Variants in ZNF331 observed in about 807,000 individuals in gnomAD.
ZNF331 encodes the protein C2H2-like zinc finger protein rearranged in thyroid adenomas.
ZNF331 carries 2 observed loss-of-function variants against 7.0 expected under a neutral mutation model. The observed-to-expected ratio is 0.29, with a 90% CI of 0.12 to 0.90. The LOEUF (loss-of-function observed/expected upper bound fraction) is 0.90. ZNF331 is among the 40% of genes least tolerant of loss of function. The probability of loss-of-function intolerance (pLI) is 0.58; values close to 1 mark genes in which losing one functional copy is unlikely to be tolerated. For missense variants in ZNF331, 432 were observed against 587.7 expected (o/e 0.74, Z 2.74); for synonymous variants, 196 against 205.4 (o/e 0.95, Z 0.39).
chr19:53,561,830 G>A (rs1457990610), intron 3 of ZNF331, among the ~76,000 whole-genome samples: 2 of 152,054 alleles, frequency 1.3e-5, no homozygotes, highest in Non-Finnish European at 2.9e-5. Context: ...TCCAGCCTGG[G>A]TGAAAGAGTG....
chr19:53,529,400 T>TAAAA (rs369822556), intron 2 of ZNF331, among the ~76,000 whole-genome samples: 2 of 148,840 alleles, frequency 1.3e-5, no homozygotes, highest in Non-Finnish European at 1.5e-5. Context: ...ACTCTGTCTT[T>TAAAA]TAAAAAAAAA....
the ZNF331 span, among the ~76,000 whole-genome samples, chr19:53,506,444 G>T: frequency 1.2e-5 from 1 of 86,258 alleles, no homozygotes; most frequent in Non-Finnish European, 2.2e-5. Flanking sequence ...CTCTCTCTCT[G>T]TCTCTCTCTC....
At position 53,558,134 on chromosome 19, in the gene ZNF331, G is replaced by C. The variant is rs189787328; in HGVS notation, c.-74+2226G>C. Among the ~76,000 whole-genome samples, 269 of 152,250 alleles carry C rather than the reference G, an allele frequency of 1.8e-3. No individual in the cohort carries two copies. Among genetic ancestry groups the C allele is most frequent in the African/African-American group, 5.9e-3 (246 of 41,554 alleles). ...TCTGCCCCACTAGCCACAAGACCAG[G>C]CCTCTGGGACATCTTGCCAACCCTC... On this transcript the variant is annotated intron_variant, in intron 3 of 5. Coordinates refer to ENST00000449416, the MANE Select transcript of ZNF331 (RefSeq NM_001079906.2). This position sits in a 1 kb window ranked among gnomAD's most constrained non-coding sequence, Gnocchi z 4.5.
chr19:53,519,945 G>C (rs12460056), upstream of ZNF331, among the ~76,000 whole-genome samples: 11,429 of 152,188 alleles, frequency 0.075, 432 homozygotes, highest in East Asian at 0.15. Flanking sequence ...TTCCAAGAAC[G>C]CTCTGGAGGC....
rs576203819 is a variant in ZNF331, at chr19:53,575,476, T to C, written c.137-1221T>C. On this transcript the variant is annotated intron_variant, in intron 5 of 5. Coordinates refer to ENST00000449416, the MANE Select transcript of ZNF331 (RefSeq NM_001079906.2). ...AATTATCTTTTTTGTTGCTTTTGAA[T>C]GTTGTATTCTTTTACCCAGTTGCTT... Among the ~76,000 whole-genome samples the C allele has an allele frequency of 2.0e-5, 3 of 151,132 alleles. No individual in the cohort carries two copies. The South Asian group carries it at 6.2e-4, about 31-fold the overall frequency.
chr19:53,535,965 G>A (rs1235549941), upstream of ZNF331, among the ~76,000 whole-genome samples: 1 of 151,890 alleles, frequency 6.6e-6, no homozygotes, highest in Non-Finnish European at 1.5e-5. Flanking sequence ...CACCATGCCC[G>A]GCTAATTTTT....
At chr19:53,562,174 T>G (rs1208001396) in intron 3 of ZNF331, among the ~76,000 whole-genome samples, 6 of 151,224 alleles carry the variant, frequency 4.0e-5, no homozygotes, top group Non-Finnish European at 8.9e-5. Context: ...TAGCTAGAGA[T>G]TCTAGAATTG....
chr19:53,519,553 C>T (rs1205845396), upstream of ZNF331, among the ~76,000 whole-genome samples: 5 of 152,178 alleles, frequency 3.3e-5, no homozygotes, highest in African/African-American at 9.7e-5. Flanking sequence ...GAGATCCCAC[C>T]GGAAAAAGGG....
chr19:53,534,379 C>T (rs1416328182), upstream of ZNF331, among the ~76,000 whole-genome samples: 3 of 152,102 alleles, frequency 2.0e-5, no homozygotes, highest in Admixed American at 6.5e-5. Flanking sequence ...ACTCCACCTC[C>T]CAGATTCAAG....
At chr19:53,569,275 C>A in intron 3 of ZNF331, 29 bp from the exon 4 acceptor site, 1 of 1,367,310 alleles carries the variant, frequency 7.3e-7, no homozygotes, top group Non-Finnish European at 1.0e-6. Flanking sequence ...AGATGCACCT[C>A]GTTTTAATCT....
At chr19:53,507,561 A>C in the ZNF331 span, among the ~76,000 whole-genome samples, 4 of 152,150 alleles carry the variant, frequency 2.6e-5, no homozygotes, top group East Asian at 7.7e-4. Flanking sequence ...GGGGTCCCAA[A>C]TTTACCATGT....
chr19:53,523,539 A>C (rs895194152), intron 2 of ZNF331: 2 of 151,444 alleles, frequency 1.3e-5, no homozygotes, highest in Non-Finnish European at 2.9e-5. Context: ...TTTTTAATCA[A>C]ATTTTTTTTT....
In ZNF331 at chr19:53,578,557, CT is replaced by C. The variant is rs1205972636; in HGVS notation, c.*608del. On this transcript the variant is annotated 3_prime_UTR_variant, in exon 6 of 6. Transcript: ENST00000449416. ...TACTGTGCCTAATTTATAAATTAAACTTTAGATATGTATGTACAGGAAAAAA... is the reference window on the plus strand; with the variant it reads ...TACTGTGCCTAATTTATAAATTAAACTTAGATATGTATGTACAGGAAAAAA... The C allele has an allele frequency of 2.8e-5, 6 of 213,230 alleles. No homozygotes were observed. Among genetic ancestry groups the C allele is most frequent in the Admixed American group, 2.3e-4 (4 of 17,306 alleles). 13.2% of individuals were successfully genotyped at this position (213,230 alleles called of 1,614,324 possible).
rs1042893372 is a variant in ZNF331, at chr19:53,539,876, G to T, written c.-138+594G>T. ...GGAAATGGTTAAGTAATTATACCAC[G>T]TTCATTTCATGGAATACTCTGCAGC... On this transcript the variant is annotated intron_variant, in intron 2 of 5. Coordinates refer to ENST00000449416, the MANE Select transcript of ZNF331 (RefSeq NM_001079906.2). This position sits in a 1 kb window ranked among gnomAD's most constrained non-coding sequence, Gnocchi z 6.1. Among the ~76,000 whole-genome samples the T allele has an allele frequency of 6.6e-6, 1 of 152,066 alleles. No individual in the cohort carries two copies. Among genetic ancestry groups the T allele is most frequent in the Admixed American group, 6.5e-5 (1 of 15,268 alleles).
the ZNF331 span, among the ~76,000 whole-genome samples, chr19:53,505,473 A>G: frequency 9.9e-5 from 15 of 152,212 alleles, no homozygotes; most frequent in East Asian, 7.7e-4. Flanking sequence ...TGCTGGGATT[A>G]CAGACGTGAG....
chr19:53,512,175 G>A, the ZNF331 span: 1 of 152,396 alleles, frequency 6.6e-6, no homozygotes, highest in African/African-American at 2.4e-5. Context: ...CCTGGGAGGA[G>A]CGCTGAGCTT....
intron 2 of ZNF331, among the ~76,000 whole-genome samples, chr19:53,542,258 C>T (rs1332675899): frequency 6.6e-6 from 1 of 152,182 alleles, no homozygotes; most frequent in East Asian, 1.9e-4. Flanking sequence ...TCACATATTT[C>T]TACCTTGTAG....
chr19:53,578,038 T>C lies in ZNF331; in HGVS notation c.*86T>C. On this transcript the variant is annotated 3_prime_UTR_variant, in exon 6 of 6. Transcript: ENST00000449416. ...CCTGCAGTCAACTGCAGTTCAAAAA[T>C]ATTAAATGGAAAATTCCAGAAATAA... 1.4e-6 allele frequency: 2 copies of C among 1,417,188 alleles called. No homozygotes were observed. The highest frequency in any genetic ancestry group is 2.4e-5 in the East Asian group (1 of 42,020). The allele number at this position is 1,417,188 out of a possible 1,614,324, so 87.8% of individuals were successfully genotyped here.
At chr19:53,540,371 G>T (rs2088062762) in intron 2 of ZNF331, among the ~76,000 whole-genome samples, 1 of 152,132 alleles carries the variant, frequency 6.6e-6, no homozygotes, top group Admixed American at 6.5e-5. Flanking sequence ...ACATGTGTGT[G>T]CTTGGAGGCT....
Sources: allele counts gnomAD v4.1 joint callset (sites outside exome capture counted in the v4.1 genomes callset), GRCh38; gene constraint gnomAD v4.1.1; non-coding constraint Gnocchi (gnomAD v3.1); transcripts MANE v1.5; gene names NCBI Gene and HGNC (gene_info 2026-07-23, HGNC 2026-07-21).